The following MS4A7 variants were observed in gnomAD, a reference collection of about 807,000 sequenced individuals.
MS4A7 encodes membrane spanning 4-domains A7, also known as membrane-spanning 4-domains subfamily A member 7.
Under a neutral mutation model 23.5 loss-of-function variants are expected in MS4A7, and 21 were observed. The ratio of observed to expected loss-of-function variants is 0.89; its 90% confidence interval spans 0.63 to 1.29. MS4A7 has a LOEUF of 1.29. Among genes scored for constraint, MS4A7 ranks in the 50% most tolerant of loss-of-function variants. The pLI is 0.00. For synonymous variants in MS4A7, 111 were observed against 107.4 expected, an observed-to-expected ratio of 1.03 and a Z score of -0.21; for missense variants, 263 against 274.2, an observed-to-expected ratio of 0.96 and a Z score of 0.29.
In MS4A7 at chr11:60,386,706, C is replaced by T. The variant is rs2085492877; in HGVS notation, c.283-11C>T. On this transcript the variant is annotated splice_polypyrimidine_tract_variant and intron_variant, in intron 3 of 6. Transcript: ENST00000300184. ...ACAACTGAACTGATCATTTCTCTCT[C>T]TTCTGGGCAGTTTGGCATTACTGGA... The T allele has an allele frequency of 1.2e-6, 2 of 1,609,732 alleles. No homozygotes were observed. Among genetic ancestry groups the T allele is most frequent in the African/African-American group, 2.7e-5 (2 of 74,934 alleles).
At chr11:60,389,652 G>T in intron 5 of MS4A7, 56 bp downstream of exon 5, 1 of 1,496,236 alleles carries the variant, frequency 6.7e-7, no homozygotes. Flanking sequence ...TCTCCCCTTT[G>T]CATACTCTCT....
chr11:60,391,771 TAGTC>T (rs965436421), intron 5 of MS4A7, among the ~76,000 whole-genome samples: 1 of 151,604 alleles, frequency 6.6e-6, no homozygotes, highest in African/African-American at 2.4e-5. Flanking sequence ...ATACAAAAAT[TAGTC>T]AGGGAGGGTG....
At chr11:60,386,357 A>G in intron 3 of MS4A7, 1 of 203,196 alleles carries the variant, frequency 4.9e-6, no homozygotes, top group Non-Finnish European at 9.8e-6. Context: ...GGCTGTTCCA[A>G]TCTCTCTGTC....
chr11:60,382,005 A>G (rs1285678453), intron 1 of MS4A7, among the ~76,000 whole-genome samples: 2 of 152,248 alleles, frequency 1.3e-5, no homozygotes, highest in Non-Finnish European at 2.9e-5. Context: ...GCACCAACAC[A>G]TTGAGGCAAA....
rs376736619 is a variant in MS4A7 at position 60,392,792 on chromosome 11, T to C, written c.648+6T>C. On this transcript the variant is annotated splice_donor_region_variant and intron_variant, in intron 6 of 6. Transcript: ENST00000300184. Reference sequence around the variant, plus strand: ...TCTACTCCAACAACCCTGGGGTGAGTATGCTGACATGTCGCCTGATACCTG... The same window carrying C: ...TCTACTCCAACAACCCTGGGGTGAGCATGCTGACATGTCGCCTGATACCTG... 12 of 1,594,004 alleles carry C rather than the reference T, an allele frequency of 7.5e-6. No homozygotes were observed. Among genetic ancestry groups the C allele is most frequent in the African/African-American group, 5.4e-5 (4 of 74,438 alleles).
At chr11:60,382,312 C>A (rs933677507) in intron 1 of MS4A7, among the ~76,000 whole-genome samples, 2 of 152,222 alleles carry the variant, frequency 1.3e-5, no homozygotes, top group African/African-American at 4.8e-5. Flanking sequence ...CTGAGCCAGA[C>A]AAGTCTCAAT....
chr11:60,385,217 C>G lies in MS4A7; in HGVS notation c.277C>G (p.Leu93Val), dbSNP rs141543926. The change falls in exon 3 of 7, where the codon CTG becomes GTG. Residue 93 changes from leucine to valine, a missense_variant. Coordinates refer to ENST00000300184, the MANE Select transcript of MS4A7 (RefSeq NM_021201.5). ...LMSGYPFLGA[L>V]CFGITGSLSI... Reference sequence around the variant, plus strand: ...GTCTGGGTACCCATTTTTAGGAGCTCTGTGTGTGAGTAGAATGGGGACTCT... The same window carrying G: ...GTCTGGGTACCCATTTTTAGGAGCTGTGTGTGTGAGTAGAATGGGGACTCT... The G allele has an allele frequency of 8.9e-4, 1,443 of 1,614,054 alleles. 26 individuals are homozygous for G. In the Admixed American group the frequency reaches 0.022, roughly 25 times the overall value.
In MS4A7 at chr11:60,394,139, G is replaced by A; in HGVS notation, c.*278G>A. ...ACTGAGCAGAAGGTGATACACAGAA[G>A]GGAAAATGTGCACTCATGCTAGTGT... On this transcript the variant is annotated 3_prime_UTR_variant, in exon 7 of 7. Coordinates refer to ENST00000300184, the MANE Select transcript of MS4A7 (RefSeq NM_021201.5). The A allele has an allele frequency of 3.9e-6, 1 of 257,052 alleles. No homozygotes were observed. Among genetic ancestry groups the A allele is most frequent in the Non-Finnish European group, 7.3e-6 (1 of 137,626 alleles). The allele number at this position is 257,052 out of a possible 1,614,324, so 15.9% of individuals were successfully genotyped here.
intron 1 of MS4A7, among the ~76,000 whole-genome samples, chr11:60,380,058 C>A (rs1044023076): frequency 1.3e-5 from 2 of 152,206 alleles, no homozygotes; most frequent in Non-Finnish European, 2.9e-5. Context: ...TAGAATCATA[C>A]AATATTTGTC....
chr11:60,389,958 G>A (rs1416751951), intron 5 of MS4A7: 5 of 238,536 alleles, frequency 2.1e-5, no homozygotes, highest in Non-Finnish European at 3.3e-5. Flanking sequence ...TTCTTCATTT[G>A]AATTATATTT....
chr11:60,387,182 T>C (rs1417458189), intron 4 of MS4A7, among the ~76,000 whole-genome samples: 1 of 152,230 alleles, frequency 6.6e-6, no homozygotes, highest in Non-Finnish European at 1.5e-5. Flanking sequence ...TGATGCCAAA[T>C]GTCCCCATTC....
intron 5 of MS4A7, 68 bp from the exon 6 acceptor site, chr11:60,392,617 G>A: frequency 1.6e-6 from 2 of 1,215,152 alleles, no homozygotes; most frequent in Non-Finnish European, 1.2e-6. Context: ...TCATCGCCCT[G>A]TCTCCTCTTA....
chr11:60,389,673 C>A (rs752340213), intron 5 of MS4A7, 77 bp downstream of exon 5: 2 of 1,410,646 alleles, frequency 1.4e-6, no homozygotes, highest in East Asian at 2.3e-5. Context: ...GCTTTTCTGG[C>A]AGTCTCTGGT....
rs1430014664 is a variant in MS4A7, at chr11:60,393,853, T to C, written c.715T>C (p.Trp239Arg). 1 of 1,608,712 alleles carries C rather than the reference T, an allele frequency of 6.2e-7. No individual in the cohort carries two copies. The highest frequency in any genetic ancestry group is 8.5e-7 in the Non-Finnish European group (1 of 1,177,628). ...GGTCAAAAAGAGTTCTTCACGGTCT[T>C]GGATATAAGTAACTCTTGGCCTCAG... ...QQVKKSSSRS[W>R]I is the part of the protein sequence containing the mutation. The change falls in exon 7 of 7, where the codon TGG becomes CGG. Residue 239 changes from tryptophan (W) to arginine (R), a missense_variant. Coordinates refer to ENST00000300184, the MANE Select transcript of MS4A7 (RefSeq NM_021201.5).
intron 3 of MS4A7, among the ~76,000 whole-genome samples, chr11:60,385,489 A>G (rs1189645244): frequency 1.3e-5 from 2 of 152,222 alleles, no homozygotes; most frequent in African/African-American, 4.8e-5. Context: ...GCATTACAGC[A>G]TACCTCTAGA....
intron 4 of MS4A7, among the ~76,000 whole-genome samples, chr11:60,386,989 T>G (rs1263800418): frequency 1.3e-5 from 2 of 152,250 alleles, no homozygotes; most frequent in African/African-American, 2.4e-5. Flanking sequence ...TACACAATGT[T>G]GCTCCTGGAT....
At position 60,394,001 on chromosome 11, in the gene MS4A7, T is replaced by G; in HGVS notation, c.*140T>G. The G allele has an allele frequency of 2.1e-6, 1 of 477,896 alleles. No individual in the cohort carries two copies. Among genetic ancestry groups the G allele is most frequent in the Middle Eastern group, 3.1e-4 (1 of 3,260 alleles). 29.6% of individuals were successfully genotyped at this position (477,896 alleles called of 1,614,324 possible). A position where few individuals can be genotyped will look rare whatever the true frequency, so the allele number is the denominator to read the frequency against. ...AAGCTTTTGTTTTGTATTTGTTTAC[T>G]ATGAGTCGTTATTTAATTTCTCTTG... On this transcript the variant is annotated 3_prime_UTR_variant, in exon 7 of 7. Transcript: ENST00000300184.
At chr11:60,387,743 A>G (rs192892313) in intron 4 of MS4A7, among the ~76,000 whole-genome samples, 84 of 152,354 alleles carry the variant, frequency 5.5e-4, no homozygotes, top group Non-Finnish European at 8.8e-4. Context: ...CATCTAGAAT[A>G]TGACCTTTGG....
intron 4 of MS4A7, among the ~76,000 whole-genome samples, chr11:60,388,131 C>T (rs895521606): frequency 6.6e-6 from 1 of 152,212 alleles, no homozygotes; most frequent in African/African-American, 2.4e-5. Context: ...TCCCAGTGGG[C>T]AGTATCTTTG....
Sources: allele counts gnomAD v4.1 joint callset (sites outside exome capture counted in the v4.1 genomes callset), GRCh38; gene constraint gnomAD v4.1.1; transcripts MANE v1.5; gene names NCBI Gene and HGNC (gene_info 2026-07-23, HGNC 2026-07-21).